Variants in NOL4 observed in about 807,000 individuals in gnomAD.
NOL4 encodes nucleolar protein 4.
A neutral mutation model predicts 75.9 loss-of-function variants in NOL4; 17 were observed. That is an observed-to-expected ratio of 0.22 (90% CI 0.15 to 0.34). NOL4 has a LOEUF of 0.34. Among genes scored for constraint, NOL4 ranks in the 10% least tolerant of loss-of-function variants. NOL4 has a pLI of 1.00. For missense variants in NOL4, 614 were observed against 793.5 expected (o/e 0.77, Z 2.72); for synonymous variants, 292 against 289.9 (o/e 1.01, Z -0.07).
chr18:34,015,330 G>A (rs989985651), intron 6 of NOL4, among the ~76,000 whole-genome samples: 2 of 151,978 alleles, frequency 1.3e-5, no homozygotes, highest in Non-Finnish European at 2.9e-5. Flanking sequence ...TTCTGTTAGT[G>A]TTTCTTCTGC....
At chr18:34,080,768 G>T (rs758728750) in intron 5 of NOL4, among the ~76,000 whole-genome samples, 1 of 152,156 alleles carries the variant, frequency 6.6e-6, no homozygotes, top group African/African-American at 2.4e-5. Flanking sequence ...ACTGGGTAAA[G>T]CATCATTGTT....
intron 2 of NOL4, among the ~76,000 whole-genome samples, chr18:34,119,068 T>C (rs2079996153): frequency 6.6e-6 from 1 of 152,150 alleles, no homozygotes; most frequent in South Asian, 2.1e-4. Context: ...TCAAAGCAAC[T>C]CTGAAAAAGG....
At chr18:33,977,037 T>C (rs1283990492) in intron 6 of NOL4, among the ~76,000 whole-genome samples, 1 of 152,120 alleles carries the variant, frequency 6.6e-6, no homozygotes, top group African/African-American at 2.4e-5. Flanking sequence ...TAATAGTAAA[T>C]GATAGCAACA....
At chr18:33,885,110 T>A (rs192018952) in intron 9 of NOL4, among the ~76,000 whole-genome samples, 40 of 152,160 alleles carry the variant, frequency 2.6e-4, no homozygotes, top group African/African-American at 9.1e-4. Flanking sequence ...GGGACAATAT[T>A]TTAAAAACTT....
At position 34,190,563 on chromosome 18, in the gene NOL4, C is replaced by T. The variant is rs146431875; in HGVS notation, c.264+32427G>A. ...AATGTGTGCTTTGAATTATCAGTAA[C>T]GTTTATCTGTTTACAGTGAGTCCTA... On this transcript the variant is annotated intron_variant, in intron 1 of 10. Transcript: ENST00000261592. Among the ~76,000 whole-genome samples the T allele has an allele frequency of 9.2e-4, 140 of 151,868 alleles. 1 individual carries two copies. The East Asian group carries it at 0.021, about 23-fold the overall frequency.
At chr18:34,068,443 AG>A (rs1161636109) in intron 5 of NOL4, among the ~76,000 whole-genome samples, 1 of 152,004 alleles carries the variant, frequency 6.6e-6, no homozygotes, top group African/African-American at 2.4e-5. Context: ...CTCCGTCGCC[AG>A]GCTGGAGTGC....
rs77534631 is a variant in NOL4, at chr18:33,996,345, A to G, written c.1056+22973T>C. Among the ~76,000 whole-genome samples the G allele has an allele frequency of 5.7e-3, 860 of 152,010 alleles. 3 individuals are homozygous for G. Among genetic ancestry groups the G allele is most frequent in the Non-Finnish European group, 7.7e-3 (523 of 67,852 alleles). Reference sequence around the variant, plus strand: ...ATACAAGATTCATATACAAAAATCAATAGTATTTCTGTACATTTGTAATGA... The same window carrying G: ...ATACAAGATTCATATACAAAAATCAGTAGTATTTCTGTACATTTGTAATGA... On this transcript the variant is annotated intron_variant, in intron 6 of 10. Transcript: ENST00000261592.
Position 33,956,030 on chromosome 18 carries a change from T to A in NOL4, c.1428+1296A>T, listed in dbSNP as rs2069620865. Among the ~76,000 whole-genome samples, 5 of 152,126 alleles carry A rather than the reference T, an allele frequency of 3.3e-5. 1 individual carries two copies. In the South Asian group the frequency reaches 1.0e-3, roughly 31 times the overall value. Reference sequence around the variant, plus strand: ...TATGCACCTTGGTGAAAGAGTCTCATAATGCAAATTCAGGAAACAAAAAAC... The same window carrying A: ...TATGCACCTTGGTGAAAGAGTCTCAAAATGCAAATTCAGGAAACAAAAAAC... On this transcript the variant is annotated intron_variant, in intron 8 of 10. Coordinates refer to ENST00000261592, the MANE Select transcript of NOL4 (RefSeq NM_003787.5).
At chr18:33,862,041 A>G (rs2040590176) in intron 10 of NOL4, among the ~76,000 whole-genome samples, 1 of 152,178 alleles carries the variant, frequency 6.6e-6, no homozygotes, top group Non-Finnish European at 1.5e-5. Context: ...TACAGTAACC[A>G]AAACAGCATG....
At chr18:34,142,130 G>C (rs1171990288) in intron 1 of NOL4, among the ~76,000 whole-genome samples, 3 of 152,170 alleles carry the variant, frequency 2.0e-5, no homozygotes, top group Non-Finnish European at 2.9e-5. Context: ...ACCACAATGA[G>C]ATACCATCTC....
intron 9 of NOL4, among the ~76,000 whole-genome samples, chr18:33,894,291 A>G (rs1027493959): frequency 2.0e-4 from 31 of 152,128 alleles, no homozygotes; most frequent in Non-Finnish European, 3.2e-4. Context: ...ATTATTTAGG[A>G]TGTTGAGAAG....
chr18:33,872,903 G>A (rs2063765814), intron 10 of NOL4, among the ~76,000 whole-genome samples: 1 of 151,934 alleles, frequency 6.6e-6, no homozygotes, highest in African/African-American at 2.4e-5. Context: ...GGAAACAGAT[G>A]GGAGAGCTTC....
chr18:34,052,578 A>G (rs2076668335), intron 5 of NOL4, among the ~76,000 whole-genome samples: 1 of 152,060 alleles, frequency 6.6e-6, no homozygotes, highest in East Asian at 1.9e-4. Context: ...ACACTTTTAA[A>G]TTATTTATTA....
chr18:33,934,742 A>G (rs1182198160), intron 9 of NOL4, among the ~76,000 whole-genome samples: 1 of 152,010 alleles, frequency 6.6e-6, no homozygotes, highest in Non-Finnish European at 1.5e-5. Flanking sequence ...GCTCTGGATT[A>G]GGATTTGGTG....
intron 5 of NOL4, among the ~76,000 whole-genome samples, chr18:34,090,927 C>T (rs928982751): frequency 3.9e-5 from 6 of 152,062 alleles, no homozygotes; most frequent in African/African-American, 1.2e-4. Flanking sequence ...TGGGATATGA[C>T]ATGGTTGAAT....
chr18:34,095,756 A>G (rs893447025), intron 4 of NOL4, among the ~76,000 whole-genome samples: 8 of 152,174 alleles, frequency 5.3e-5, no homozygotes, highest in African/African-American at 1.9e-4. Context: ...TTATTACAGT[A>G]TATGAACATA....
chr18:33,894,428 C>G (rs2065278529), intron 9 of NOL4, among the ~76,000 whole-genome samples: 1 of 152,048 alleles, frequency 6.6e-6, no homozygotes, highest in Non-Finnish European at 1.5e-5. Flanking sequence ...GCTGTCCTTG[C>G]TGGCCATACA....
intron 1 of NOL4, among the ~76,000 whole-genome samples, chr18:34,142,528 G>A (rs2081214811): frequency 6.6e-6 from 1 of 152,164 alleles, no homozygotes; most frequent in African/African-American, 2.4e-5. Flanking sequence ...CATGTCCTTT[G>A]TAGGGACATG....
At chr18:34,157,036 A>C (rs1303105702) in intron 1 of NOL4, 1 of 151,982 alleles carries the variant, frequency 6.6e-6, no homozygotes, top group African/African-American at 2.4e-5. Context: ...TCTGCCTGAC[A>C]TGTTTTTTTT....
Sources: allele counts gnomAD v4.1 joint callset (sites outside exome capture counted in the v4.1 genomes callset), GRCh38; gene constraint gnomAD v4.1.1; transcripts MANE v1.5; gene names NCBI Gene and HGNC (gene_info 2026-07-23, HGNC 2026-07-21).